EYS: variants seen among roughly 807,000 people sequenced by gnomAD.
EYS encodes the protein EGF-like photoreceptor maintenance factor, also known as protein eyes shut homolog.
Under a neutral mutation model 282.1 loss-of-function variants are expected in EYS, and 250 were observed. The observed-to-expected ratio is 0.89, with a 90% CI of 0.80 to 0.98. The LOEUF (loss-of-function observed/expected upper bound fraction) is 0.98, where lower values mean the gene tolerates loss of function less well. Ranked by LOEUF, EYS falls within the 50% of genes least tolerant of loss-of-function variation. The pLI, the probability that EYS is intolerant of heterozygous loss-of-function variation, is 0.00. For missense variants in EYS, 4,016 were observed against 3,709.0 expected (o/e 1.08, Z -2.15); for synonymous variants, 1,355 against 1,282.9 (o/e 1.06, Z -1.20).
intron 12 of EYS, among the ~76,000 whole-genome samples, chr6:65,197,228 G>A (rs1310359335): frequency 6.6e-6 from 1 of 152,040 alleles, no homozygotes; most frequent in African/African-American, 2.4e-5. Context: ...TAAATATGTA[G>A]AAAGGATATA....
chr6:63,846,439 A>T (rs1772099593), intron 36 of EYS, among the ~76,000 whole-genome samples: 1 of 152,238 alleles, frequency 6.6e-6, no homozygotes, highest in Non-Finnish European at 1.5e-5. Flanking sequence ...GTCTCACTTT[A>T]ACAATTTCAA....
At chr6:63,886,046 G>C (rs1186589552) in intron 35 of EYS, among the ~76,000 whole-genome samples, 1 of 152,170 alleles carries the variant, frequency 6.6e-6, no homozygotes, top group Non-Finnish European at 1.5e-5. Context: ...ATAGGAACTT[G>C]AATGTTGGCA....
At chr6:64,960,457 T>A (rs889150624) in intron 14 of EYS, among the ~76,000 whole-genome samples, 5 of 152,172 alleles carry the variant, frequency 3.3e-5, no homozygotes, top group African/African-American at 1.2e-4. Context: ...CTGAATACAG[T>A]GTTTTGTATA....
At chr6:63,803,538 G>GA (rs1770829541) in intron 37 of EYS, among the ~76,000 whole-genome samples, 1 of 152,120 alleles carries the variant, frequency 6.6e-6, no homozygotes, top group Non-Finnish European at 1.5e-5. Flanking sequence ...AGACAAAGGG[G>GA]AATTGATGGA....
chr6:65,580,821 A>C (rs1237749422), intron 2 of EYS, among the ~76,000 whole-genome samples: 1 of 152,052 alleles, frequency 6.6e-6, no homozygotes, highest in East Asian at 1.9e-4. Context: ...TTCATCCTAA[A>C]ACTTCAAGTG....
intron 35 of EYS, among the ~76,000 whole-genome samples, chr6:63,891,958 A>G (rs1242132561): frequency 6.6e-6 from 1 of 152,224 alleles, no homozygotes; most frequent in Non-Finnish European, 1.5e-5. Flanking sequence ...GAGCCAAACT[A>G]TGAGCAAACT....
intron 30 of EYS, among the ~76,000 whole-genome samples, chr6:64,285,400 C>T (rs758377022): frequency 6.6e-6 from 1 of 152,174 alleles, no homozygotes; most frequent in African/African-American, 2.4e-5. Flanking sequence ...CAAGAGTTAC[C>T]TTTGCTTCAG....
At chr6:65,250,998 A>T (rs938323458) in intron 12 of EYS, among the ~76,000 whole-genome samples, 10 of 151,054 alleles carry the variant, frequency 6.6e-5, no homozygotes, top group Non-Finnish European at 1.3e-4. Flanking sequence ...GATATGAAAA[A>T]AATATCCGGA....
At chr6:64,435,887 C>A (rs898702269) in intron 28 of EYS, among the ~76,000 whole-genome samples, 1 of 151,802 alleles carries the variant, frequency 6.6e-6, no homozygotes, top group Non-Finnish European at 1.5e-5. Context: ...AAAGAAATTA[C>A]CAGTTTAGTT....
At chr6:63,745,499 A>G (rs1769189822) in intron 41 of EYS, among the ~76,000 whole-genome samples, 1 of 152,210 alleles carries the variant, frequency 6.6e-6, no homozygotes, top group African/African-American at 2.4e-5. Flanking sequence ...GGACAATGAG[A>G]TCTTCAATGT....
At position 64,439,161 on chromosome 6, in the gene EYS, C is replaced by T; in HGVS notation, c.5835+1G>A. The T allele has an allele frequency of 7.1e-7, 1 of 1,404,168 alleles. No homozygotes were observed. Among genetic ancestry groups the T allele is most frequent in the Non-Finnish European group, 9.4e-7 (1 of 1,058,716 alleles). The allele number at this position is 1,404,168 out of a possible 1,614,324, so 87.0% of individuals were successfully genotyped here. ...AAAATTAAATGAACTGAATAACTTA[C>T]CTTTAAAGTACCATTTTCAATAAAC... On this transcript the variant is annotated splice_donor_variant, in intron 27 of 42. Transcript: ENST00000503581. LOFTEE classifies it high-confidence loss of function.
chr6:63,950,132 A>G (rs1318381692), intron 35 of EYS, among the ~76,000 whole-genome samples: 10 of 151,956 alleles, frequency 6.6e-5, no homozygotes, highest in Admixed American at 6.6e-4. Context: ...AGATCACACC[A>G]CTGCACTCCA....
At chr6:64,819,715 A>C (rs1764844508) in intron 21 of EYS, among the ~76,000 whole-genome samples, 2 of 151,986 alleles carry the variant, frequency 1.3e-5, no homozygotes, top group Non-Finnish European at 2.9e-5. Flanking sequence ...AAGCCCAGTT[A>C]GGAAGAAAAA....
At chr6:64,926,330 T>C (rs1057281689) in intron 15 of EYS, among the ~76,000 whole-genome samples, 6 of 152,234 alleles carry the variant, frequency 3.9e-5, no homozygotes, top group African/African-American at 1.4e-4. Flanking sequence ...CTGCCACTTG[T>C]GCTGGCTGGC....
chr6:63,988,438 A>G (rs1375280831), intron 34 of EYS, among the ~76,000 whole-genome samples: 1 of 151,590 alleles, frequency 6.6e-6, no homozygotes, highest in South Asian at 2.1e-4. Flanking sequence ...CACCCAAACA[A>G]TGGAAATAGA....
At chr6:64,391,119 A>C (rs1773117515) in intron 28 of EYS, among the ~76,000 whole-genome samples, 1 of 152,142 alleles carries the variant, frequency 6.6e-6, no homozygotes, top group Admixed American at 6.5e-5. Flanking sequence ...GAAATATGGG[A>C]CTATGTGAAA....
intron 26 of EYS, among the ~76,000 whole-genome samples, chr6:64,479,717 C>T (rs1776379073): frequency 6.6e-6 from 1 of 151,888 alleles, no homozygotes; most frequent in Non-Finnish European, 1.5e-5. Context: ...AACAGCTGTA[C>T]TGACATGCTA....
chr6:64,080,507 G>T (rs903585328), intron 32 of EYS, among the ~76,000 whole-genome samples: 15 of 152,046 alleles, frequency 9.9e-5, no homozygotes, highest in African/African-American at 1.4e-4. Flanking sequence ...TCTGTAGGTT[G>T]CCTGTTCACT....
chr6:65,372,328 G>T (rs755059148), intron 8 of EYS, among the ~76,000 whole-genome samples: 16 of 151,924 alleles, frequency 1.1e-4, no homozygotes, highest in Non-Finnish European at 2.1e-4. Context: ...ACCAGAAAGT[G>T]CATTTCTAAC....
Sources: gnomAD v4.1 joint callset for allele counts (sites outside exome capture counted in the v4.1 genomes callset) on GRCh38, gnomAD v4.1.1 for gene constraint, MANE v1.5 for transcripts, NCBI Gene and HGNC (gene_info 2026-07-23, HGNC 2026-07-21) for gene names.